PRDM2: variants seen among roughly 807,000 people sequenced by gnomAD.
PRDM2 encodes the protein PR domain zinc finger protein 2.
A neutral mutation model predicts 130.0 loss-of-function variants in PRDM2; 30 were observed. The ratio of observed to expected loss-of-function variants is 0.23; its 90% CI spans 0.17 to 0.31. PRDM2 has a LOEUF of 0.31. PRDM2 is among the 10% of genes least tolerant of loss of function. The probability of loss-of-function intolerance (pLI) is 1.00; values close to 1 mark genes in which losing one functional copy is unlikely to be tolerated. For synonymous variants in PRDM2, 871 were observed against 782.4 expected, an observed-to-expected ratio of 1.11 and a Z score of -1.89; for missense variants, 2,011 against 2,108.4, an observed-to-expected ratio of 0.95 and a Z score of 0.90.
intron 5 of PRDM2, among the ~76,000 whole-genome samples, chr1:13,746,050 T>G (rs1643594946): frequency 3.3e-5 from 5 of 152,232 alleles, no homozygotes. Context: ...GAACTCTTGC[T>G]TCTTCCTGAT....
At chr1:13,822,104 GCTGAACATGTGGGT>G (rs1167257318) in intron 9 of PRDM2, among the ~76,000 whole-genome samples, 14 of 152,194 alleles carry the variant, frequency 9.2e-5, no homozygotes, top group African/African-American at 3.4e-4. Context: ...GTTGACTGAT[GCTGAACATGTGGGT>G]ACCTCAGGAC....
intron 7 of PRDM2, among the ~76,000 whole-genome samples, chr1:13,775,607 G>A (rs1255677525): frequency 5.3e-5 from 8 of 152,158 alleles, no homozygotes; most frequent in South Asian, 2.1e-4. Flanking sequence ...AGTAATTCCC[G>A]ATATTCCTGG....
chr1:13,711,194 G>A lies in PRDM2; in HGVS notation c.-65-4347G>A, dbSNP rs547339328. Among the ~76,000 whole-genome samples the A allele has an allele frequency of 7.2e-5, 11 of 152,176 alleles. No homozygotes were observed. The South Asian group carries it at 2.3e-3, about 32-fold the overall frequency. On this transcript the variant is annotated intron_variant, in intron 1 of 9. Coordinates refer to ENST00000311066, the MANE Select transcript of PRDM2 (RefSeq NM_001393986.1). ...CTGGATTGATCATTCCGTTTCACAC[G>A]TTTGATAAAACCTTGGCCTGGAGAT...
chr1:13,801,696 A>G (rs1424534308), intron 8 of PRDM2, among the ~76,000 whole-genome samples: 1 of 152,264 alleles, frequency 6.6e-6, no homozygotes, highest in Non-Finnish European at 1.5e-5. Context: ...CACAGTAAGC[A>G]GGAAATGTTA....
At chr1:13,790,411 G>C (rs372450043) in intron 8 of PRDM2, among the ~76,000 whole-genome samples, 44 of 152,252 alleles carry the variant, frequency 2.9e-4, no homozygotes, top group East Asian at 2.5e-3. Context: ...CCTGAGCCGT[G>C]TCCACTTGGT....
At chr1:13,768,039 TAAGAGA>T (rs1644268445) in intron 6 of PRDM2, among the ~76,000 whole-genome samples, 2 of 151,026 alleles carry the variant, frequency 1.3e-5, no homozygotes, top group Non-Finnish European at 3.0e-5. Context: ...AAGTAACTAT[TAAGAGA>T]AAGAACATTT....
Position 13,715,540 on chromosome 1 carries a change from G to A in PRDM2, c.-65-1G>A. On this transcript the variant is annotated splice_acceptor_variant, in intron 1 of 9. Coordinates refer to ENST00000311066, the MANE Select transcript of PRDM2 (RefSeq NM_001393986.1). LOFTEE classifies it low-confidence loss of function (5UTR_SPLICE). Reference sequence around the variant, plus strand: ...TTACAATTGTCTGTTTTTCTTTTTAGGGTTCATGTAATCAAAGAAGTTTCT... The same window carrying A: ...TTACAATTGTCTGTTTTTCTTTTTAAGGTTCATGTAATCAAAGAAGTTTCT... 7.1e-7 allele frequency: 1 copy of A among 1,405,636 alleles called. No homozygotes were observed. Among genetic ancestry groups the A allele is most frequent in the East Asian group, 2.5e-5 (1 of 39,966 alleles). The allele number at this position is 1,405,636 out of a possible 1,614,324, so 87.1% of individuals were successfully genotyped here.
chr1:13,746,581 G>A (rs1314053273), intron 5 of PRDM2, among the ~76,000 whole-genome samples: 1 of 149,284 alleles, frequency 6.7e-6, no homozygotes. Context: ...TTTTAAGATA[G>A]GGTCTCACTC....
intron 4 of PRDM2, chr1:13,738,725 T>G (rs1214676070): frequency 6.6e-6 from 1 of 152,250 alleles, no homozygotes; most frequent in Non-Finnish European, 1.5e-5. Flanking sequence ...TCAGAACATT[T>G]TAGAATACAG....
At chr1:13,722,464 G>A (rs977267034) in intron 2 of PRDM2, among the ~76,000 whole-genome samples, 13 of 152,178 alleles carry the variant, frequency 8.5e-5, no homozygotes, top group Admixed American at 5.9e-4. Context: ...GGGATGACCT[G>A]TAAGAGTAAA....
chr1:13,807,308 C>T (rs920840777), intron 8 of PRDM2, among the ~76,000 whole-genome samples: 15 of 152,268 alleles, frequency 9.9e-5, no homozygotes, highest in African/African-American at 3.6e-4. Context: ...ACACACCGTT[C>T]ACCTGACAAA....
chr1:13,748,198 G>A (rs1409889341), intron 5 of PRDM2, among the ~76,000 whole-genome samples: 3 of 151,902 alleles, frequency 2.0e-5, no homozygotes, highest in Non-Finnish European at 4.4e-5. Context: ...CAAAAGTGTT[G>A]TTTTTTTTCT....
intron 2 of PRDM2, 53 bp from the exon 3 acceptor site, chr1:13,730,947 A>G (rs1643083800): frequency 7.9e-7 from 1 of 1,260,858 alleles, no homozygotes; most frequent in South Asian, 1.4e-5. Flanking sequence ...AAAAAAACCC[A>G]TGATTTGAGT....
intron 2 of PRDM2, among the ~76,000 whole-genome samples, chr1:13,727,499 C>T (rs1642960527): frequency 6.6e-6 from 1 of 152,244 alleles, no homozygotes. Flanking sequence ...AGGTAATCTG[C>T]CCGCCTTGAC....
intron 8 of PRDM2, among the ~76,000 whole-genome samples, chr1:13,810,642 C>T (rs1407823728): frequency 6.6e-6 from 1 of 151,920 alleles, no homozygotes; most frequent in African/African-American, 2.4e-5. Context: ...CTACAGGCGC[C>T]CGCCACCACA....
intron 8 of PRDM2, chr1:13,786,758 G>A: frequency 7.2e-7 from 1 of 1,387,534 alleles, no homozygotes; most frequent in Non-Finnish European, 9.3e-7. Flanking sequence ...GAGATCCAAA[G>A]AGAAGGGCAC....
Position 13,741,720 on chromosome 1 carries a change from TTGTGTGTGTGTGTGTGTG to T in PRDM2, c.232-257_232-240del, listed in dbSNP as rs200384633. 1.5e-3 allele frequency among the ~76,000 whole-genome samples: 165 copies of T among 112,590 alleles called. 4 individuals are homozygous for T. In the South Asian group the frequency reaches 0.047, roughly 32 times the overall value. 73.9% of individuals were successfully genotyped at this position (112,590 alleles called of 152,430 possible). ...GCATGCTGACTATAGCTCTTTAAGTTTGTGTGTGTGTGTGTGTGTGTGTGTGTGTGTGTGTGTGTGTGT... is the reference window on the plus strand; with the variant it reads ...GCATGCTGACTATAGCTCTTTAAGTTTGTGTGTGTGTGTGTGTGTGTGTGT... On this transcript the variant is annotated intron_variant, in intron 4 of 9. Coordinates refer to ENST00000311066, the MANE Select transcript of PRDM2 (RefSeq NM_001393986.1).
At chr1:13,749,710 C>G (rs1432000635) in intron 6 of PRDM2, among the ~76,000 whole-genome samples, 1 of 151,854 alleles carries the variant, frequency 6.6e-6, no homozygotes, top group African/African-American at 2.4e-5. Context: ...CCCGCCCTGC[C>G]GACCCGGCCC....
rs190970248 is a variant in PRDM2, at chr1:13,778,334, A to G, written c.623-84A>G. The stretch of plus-strand genomic sequence containing the variant: ...CCTTATGTTTTAGGTGGTAAGAGAA[A>G]TAACTTGAATCATTCAGATTGTTCA... On this transcript the variant is annotated intron_variant, in intron 7 of 9. Coordinates refer to ENST00000311066, the MANE Select transcript of PRDM2 (RefSeq NM_001393986.1). The G allele has an allele frequency of 1.2e-5, 16 of 1,367,132 alleles. No individual in the cohort carries two copies. The East Asian group carries it at 2.1e-4, about 18-fold the overall frequency. 84.7% of individuals were successfully genotyped at this position (1,367,132 alleles called of 1,614,324 possible). A position where few individuals can be genotyped will look rare whatever the true frequency, so the allele number is the denominator to read the frequency against.
Sources: gnomAD v4.1 joint callset for allele counts (sites outside exome capture counted in the v4.1 genomes callset) on GRCh38, gnomAD v4.1.1 for gene constraint, MANE v1.5 for transcripts, NCBI Gene and HGNC (gene_info 2026-07-23, HGNC 2026-07-21) for gene names.